Variants in RPL7L1 observed in about 807,000 individuals in gnomAD.
The protein encoded by RPL7L1 is ribosomal protein L7 like 1, also known as ribosomal protein uL30-like.
A neutral mutation model predicts 30.3 loss-of-function variants in RPL7L1; 20 were observed. The observed-to-expected ratio is 0.66, with a 90% CI of 0.46 to 0.96. The LOEUF is 0.96. RPL7L1 is among the 40% of genes least tolerant of loss of function. The probability of loss-of-function intolerance (pLI) is 0.00; values close to 1 mark genes in which losing one functional copy is unlikely to be tolerated. For synonymous variants in RPL7L1, 107 were observed against 110.1 expected, an observed-to-expected ratio of 0.97 and a Z score of 0.18; for missense variants, 271 against 314.9, an observed-to-expected ratio of 0.86 and a Z score of 1.05.
intron 4 of RPL7L1, chr6:42,885,726 G>T (rs1001309879): frequency 1.2e-5 from 5 of 416,904 alleles, no homozygotes; most frequent in Admixed American, 7.0e-5. Flanking sequence ...TTTTGTTTTT[G>T]TTGGCAATAT....
chr6:42,882,149 G>T (rs553728048), intron 2 of RPL7L1: 4 of 151,880 alleles, frequency 2.6e-5, no homozygotes, highest in Non-Finnish European at 5.9e-5. Context: ...ATCACCCACC[G>T]GCCTTCCAAA....
intron 4 of RPL7L1, chr6:42,885,465 G>A (rs1273382959): frequency 7.1e-5 from 11 of 154,608 alleles, no homozygotes; most frequent in Non-Finnish European, 1.4e-4. Flanking sequence ...CCAGCTACTT[G>A]GGAGGCTGAG....
At chr6:42,883,375 C>G in intron 2 of RPL7L1, 76 bp from the exon 3 acceptor site, 1 of 1,155,080 alleles carries the variant, frequency 8.7e-7, no homozygotes, top group African/African-American at 1.6e-5. Flanking sequence ...TATCAGTTGT[C>G]ACTTATGAAT....
intron 2 of RPL7L1, 132 bp downstream of exon 2, chr6:42,881,098 A>C (rs893656167): frequency 1.1e-5 from 7 of 620,914 alleles, no homozygotes; most frequent in Non-Finnish European, 2.0e-5. Context: ...GTTGTCTCTC[A>C]GTGTCCTTAA....
chr6:42,882,941 T>C (rs1766133155), intron 2 of RPL7L1: 1 of 152,772 alleles, frequency 6.5e-6, no homozygotes, highest in Non-Finnish European at 1.5e-5. Flanking sequence ...GGTCTTGTGT[T>C]ACCCAGGCTA....
chr6:42,882,749 TA>T (rs1406064964), intron 2 of RPL7L1: 1 of 151,280 alleles, frequency 6.6e-6, no homozygotes, highest in Admixed American at 6.6e-5. Context: ...CTACTAAAAA[TA>T]CAAAAATTAG....
intron 1 of RPL7L1, 129 bp from the exon 2 acceptor site, chr6:42,880,732 C>T (rs192079305): frequency 7.4e-6 from 4 of 542,140 alleles, no homozygotes; most frequent in African/African-American, 3.9e-5. Flanking sequence ...AGGCTGGTCT[C>T]GAACTCCTGA....
At chr6:42,880,153 G>C (rs533767184) in intron 1 of RPL7L1, among the ~76,000 whole-genome samples, 6 of 152,110 alleles carry the variant, frequency 3.9e-5, no homozygotes, top group African/African-American at 1.2e-4. Flanking sequence ...CTGGAGAGGC[G>C]AGGATTGACT....
intron 2 of RPL7L1, 100 bp from the exon 3 acceptor site, chr6:42,883,351 G>C: frequency 1.1e-6 from 1 of 909,604 alleles, no homozygotes; most frequent in Non-Finnish European, 1.6e-6. Context: ...TGTGGAACAC[G>C]GGGAAATAAG....
At chr6:42,885,880 G>A in intron 4 of RPL7L1, 94 bp from the exon 5 acceptor site, 1 of 719,306 alleles carries the variant, frequency 1.4e-6, no homozygotes, top group South Asian at 1.5e-5. Context: ...AAGTGAGTGT[G>A]TGGGAGAACC....
intron 4 of RPL7L1, 38 bp downstream of exon 4, chr6:42,884,788 C>T (rs761662336): frequency 2.1e-5 from 33 of 1,594,496 alleles, no homozygotes; most frequent in Middle Eastern, 3.3e-4. Flanking sequence ...CATTAGATTT[C>T]TATTTGAGTG....
In RPL7L1 at chr6:42,889,441, CAAAAAAAA is replaced by C. The variant is rs35319817; in HGVS notation, c.*2989_*2996del. 3 of 90,620 alleles carry C rather than the reference CAAAAAAAA, an allele frequency of 3.3e-5. No homozygotes were observed. The highest frequency in any genetic ancestry group is 4.7e-5 in the Non-Finnish European group (2 of 42,492). The allele number at this position is 90,620 out of a possible 1,614,324, so 5.6% of individuals were successfully genotyped here. A position where few individuals can be genotyped will look rare whatever the true frequency, so the allele number is the denominator to read the frequency against. On this transcript the variant is annotated 3_prime_UTR_variant, in exon 6 of 6. Transcript: ENST00000493763. ...GGGCAACAAAAGCAAAACTCTGTCT[CAAAAAAAA>C]AAAAAAAAAAAGTGCCAGCGTATGA...
At chr6:42,885,479 G>A (rs544271955) in intron 4 of RPL7L1, 2 of 155,258 alleles carry the variant, frequency 1.3e-5, no homozygotes, top group African/African-American at 4.8e-5. Context: ...GGCTGAGGCA[G>A]GAGAATGGCA....
At chr6:42,885,730 G>A in intron 4 of RPL7L1, 1 of 419,920 alleles carries the variant, frequency 2.4e-6, no homozygotes, top group Non-Finnish European at 4.4e-6. Flanking sequence ...GTTTTTGTTG[G>A]CAATATTTTC....
At position 42,883,442 on chromosome 6, in the gene RPL7L1, TC is replaced by T. The variant is rs767164498; in HGVS notation, c.148-8del. 6.4e-7 allele frequency: 1 copy of T among 1,567,914 alleles called. No homozygotes were observed. The highest frequency in any genetic ancestry group is 1.4e-5 in the African/African-American group (1 of 73,034). On this transcript the variant is annotated splice_polypyrimidine_tract_variant and splice_region_variant and intron_variant, in intron 2 of 5. Transcript: ENST00000493763. Reference sequence around the variant, plus strand: ...ACAAGATGATGATGATGGTCTGTCTTCTCTGTAGCAGAAGAAAGGAAAAGGG... The same window carrying T: ...ACAAGATGATGATGATGGTCTGTCTTTCTGTAGCAGAAGAAAGGAAAAGGG...
chr6:42,887,732 A>G lies in RPL7L1; in HGVS notation c.*1268A>G, dbSNP rs1465953722. 1.3e-5 allele frequency: 2 copies of G among 151,642 alleles called. No homozygotes were observed. The highest frequency in any genetic ancestry group is 2.9e-5 in the Non-Finnish European group (2 of 67,838). The allele number at this position is 151,642 out of a possible 1,614,324, so 9.4% of individuals were successfully genotyped here. A position where few individuals can be genotyped will look rare whatever the true frequency, so the allele number is the denominator to read the frequency against. ...GGAGGAAGGAGTCCTGCTTTGTTGC[A>G]TGTATCCTAGGGTTTAATGTTGGTA... On this transcript the variant is annotated 3_prime_UTR_variant, in exon 6 of 6. Transcript: ENST00000493763.
rs1766149773 is a variant in RPL7L1, at chr6:42,883,394, TA to T, written c.148-53del. ...AGTTGTCACTTATGAATTACTGTTC[TA>T]AAAGTAAAAATGTATGGAGGCACAA... On this transcript the variant is annotated intron_variant, in intron 2 of 5. Coordinates refer to ENST00000493763, the MANE Select transcript of RPL7L1 (RefSeq NM_001366481.3). The T allele has an allele frequency of 3.0e-5, 43 of 1,425,674 alleles. 1 individual carries two copies. The South Asian group carries it at 5.8e-4, about 19-fold the overall frequency. 88.3% of individuals were successfully genotyped at this position (1,425,674 alleles called of 1,614,324 possible).
Position 42,879,887 on chromosome 6 carries a change from C to T in RPL7L1, c.-24C>T, listed in dbSNP as rs1388546969. ...GTCAAGTAAACAGAGCGTGTGCTGT[C>T]TTCCCCATGTGGTGGGGTTGCGCAT... On this transcript the variant is annotated 5_prime_UTR_variant, in exon 1 of 6. Coordinates refer to ENST00000493763, the MANE Select transcript of RPL7L1 (RefSeq NM_001366481.3). 3 of 1,613,184 alleles carry T rather than the reference C, an allele frequency of 1.9e-6. No homozygotes were observed. The highest frequency in any genetic ancestry group is 2.5e-6 in the Non-Finnish European group (3 of 1,179,518).
At position 42,888,100 on chromosome 6, in the gene RPL7L1, A is replaced by ATTT. The variant is rs1436356479; in HGVS notation, c.*1638_*1640dup. 5 of 151,820 alleles carry ATTT rather than the reference A, an allele frequency of 3.3e-5. No individual in the cohort carries two copies. The highest frequency in any genetic ancestry group is 7.4e-5 in the Non-Finnish European group (5 of 67,972). The allele number at this position is 151,820 out of a possible 1,614,324, so 9.4% of individuals were successfully genotyped here. ...CCAGGAAAACATGTATACACTCAAA[A>ATTT]TTTTGCTTGCAGTTCTAGGGTGTTT... On this transcript the variant is annotated 3_prime_UTR_variant, in exon 6 of 6. Coordinates refer to ENST00000493763, the MANE Select transcript of RPL7L1 (RefSeq NM_001366481.3).
Sources: gnomAD v4.1 joint callset for allele counts (sites outside exome capture counted in the v4.1 genomes callset) on GRCh38, gnomAD v4.1.1 for gene constraint, MANE v1.5 for transcripts, NCBI Gene and HGNC (gene_info 2026-07-23, HGNC 2026-07-21) for gene names.